NKAIN3: variants seen among roughly 807,000 people sequenced by gnomAD.
NKAIN3 encodes sodium/potassium transporting ATPase interacting 3, also known as sodium/potassium-transporting ATPase subunit beta-1-interacting protein 3.
Under a neutral mutation model 30.2 loss-of-function variants are expected in NKAIN3, and 25 were observed. The ratio of observed to expected loss-of-function variants is 0.83; its 90% CI spans 0.60 to 1.16. NKAIN3 has a LOEUF of 1.16. Among genes scored for constraint, NKAIN3 ranks in the 50% most tolerant of loss-of-function variants. NKAIN3 has a pLI of 0.00. For synonymous variants in NKAIN3, 91 were observed against 89.6 expected (o/e 1.02, Z -0.09); for missense variants, 225 against 254.1 (o/e 0.89, Z 0.78).
rs570317561 is a variant in NKAIN3, at chr8:62,957,279, GC to G, written c.603+3310del. ...CTCCTGAGTAGCTGGGACTATAGGC[GC>G]CCGCCACCACGCCTGGCTAATTTTT... On this transcript the variant is annotated intron_variant, in intron 6 of 6. Transcript: ENST00000623646. Among the ~76,000 whole-genome samples the G allele has an allele frequency of 5.0e-4, 76 of 152,096 alleles. 1 individual carries two copies. The highest frequency in any genetic ancestry group is 2.3e-3 in the South Asian group (11 of 4,808).
intron 1 of NKAIN3, among the ~76,000 whole-genome samples, chr8:62,263,029 G>A (rs1177288070): frequency 2.0e-5 from 3 of 152,018 alleles, no homozygotes; most frequent in Admixed American, 6.6e-5. Flanking sequence ...AAACTGGTTT[G>A]GTATTTGCAA....
intron 4 of NKAIN3, among the ~76,000 whole-genome samples, chr8:62,829,083 G>C (rs926319331): frequency 6.6e-6 from 1 of 152,152 alleles, no homozygotes; most frequent in East Asian, 1.9e-4. Flanking sequence ...TTGTTTGATA[G>C]ATAATATAAT....
chr8:62,361,769 G>A (rs1442713102), intron 1 of NKAIN3, among the ~76,000 whole-genome samples: 1 of 152,134 alleles, frequency 6.6e-6, no homozygotes, highest in Admixed American at 6.5e-5. Flanking sequence ...GTGAAGAGTT[G>A]TGTTTAAAAA....
chr8:62,268,262 C>T (rs1030585504), intron 1 of NKAIN3, among the ~76,000 whole-genome samples: 4 of 152,174 alleles, frequency 2.6e-5, no homozygotes, highest in African/African-American at 9.7e-5. Flanking sequence ...TGCAGAACAG[C>T]CTCTTCTCTC....
intron 1 of NKAIN3, among the ~76,000 whole-genome samples, chr8:62,403,686 G>A (rs929454559): frequency 2.6e-5 from 4 of 152,218 alleles, no homozygotes; most frequent in Admixed American, 6.5e-5. Context: ...GAAATGCCTC[G>A]ATGTCAGGCA....
At chr8:62,535,506 C>G (rs528555738) in intron 1 of NKAIN3, among the ~76,000 whole-genome samples, 1 of 152,136 alleles carries the variant, frequency 6.6e-6, no homozygotes, top group Non-Finnish European at 1.5e-5. Context: ...TTCTGACCAC[C>G]GGGCTTCAAG....
chr8:62,727,494 C>T (rs144846891), intron 3 of NKAIN3, among the ~76,000 whole-genome samples: 1,777 of 152,138 alleles, frequency 0.012, 24 homozygotes, highest in Non-Finnish European at 0.018. Flanking sequence ...ACAATTATAA[C>T]AAGGTTGCAG....
intron 1 of NKAIN3, among the ~76,000 whole-genome samples, chr8:62,267,090 A>T (rs1812633500): frequency 6.6e-6 from 1 of 152,222 alleles, no homozygotes; most frequent in Non-Finnish European, 1.5e-5. Flanking sequence ...CCTGCATCAC[A>T]TCCATCATTG....
At chr8:62,923,585 C>T (rs543679568) in intron 5 of NKAIN3, among the ~76,000 whole-genome samples, 10 of 152,238 alleles carry the variant, frequency 6.6e-5, no homozygotes, top group African/African-American at 2.2e-4. Flanking sequence ...ATAAAGTAAA[C>T]ATCCACTGTA....
At chr8:62,369,542 CT>C (rs1816839683) in intron 1 of NKAIN3, among the ~76,000 whole-genome samples, 1 of 152,042 alleles carries the variant, frequency 6.6e-6, no homozygotes, top group Non-Finnish European at 1.5e-5. Flanking sequence ...AGCAGTCATA[CT>C]ACCATCTACA....
chr8:62,582,218 C>T lies in NKAIN3; in HGVS notation c.192+2542C>T, dbSNP rs113692421. 6.1e-3 allele frequency among the ~76,000 whole-genome samples: 918 copies of T among 150,632 alleles called. 9 individuals are homozygous for T. Among genetic ancestry groups the T allele is most frequent in the African/African-American group, 0.021 (874 of 40,904 alleles). Reference sequence around the variant, plus strand: ...CTTTCTTTTCTAACTTTCCTTCTCCCTTTTTTCTTCTACTTATTAATTCAA... The same window carrying T: ...CTTTCTTTTCTAACTTTCCTTCTCCTTTTTTTCTTCTACTTATTAATTCAA... On this transcript the variant is annotated intron_variant, in intron 2 of 6. Transcript: ENST00000623646.
At chr8:62,252,341 G>T (rs964302746) in intron 1 of NKAIN3, among the ~76,000 whole-genome samples, 1 of 152,176 alleles carries the variant, frequency 6.6e-6, no homozygotes, top group Non-Finnish European at 1.5e-5. Context: ...AAAAGTTAAA[G>T]AAACAAATAA....
intron 1 of NKAIN3, among the ~76,000 whole-genome samples, chr8:62,530,147 A>AG (rs1808443791): frequency 6.6e-6 from 1 of 152,164 alleles, no homozygotes; most frequent in Non-Finnish European, 1.5e-5. Context: ...TCAACTAAGG[A>AG]GGGGGATGAT....
At chr8:62,880,732 G>A (rs1241904259) in intron 4 of NKAIN3, among the ~76,000 whole-genome samples, 1 of 152,168 alleles carries the variant, frequency 6.6e-6, no homozygotes, top group Non-Finnish European at 1.5e-5. Flanking sequence ...GGGGACTCCA[G>A]ATAGAAGATT....
chr8:62,634,673 G>A (rs1812070351), intron 3 of NKAIN3, among the ~76,000 whole-genome samples: 1 of 152,220 alleles, frequency 6.6e-6, no homozygotes, highest in Non-Finnish European at 1.5e-5. Flanking sequence ...GGACAGCTAG[G>A]AGAGGAGAGA....
intron 4 of NKAIN3, among the ~76,000 whole-genome samples, chr8:62,891,464 G>T (rs1190081411): frequency 3.9e-5 from 6 of 152,136 alleles, no homozygotes; most frequent in Non-Finnish European, 8.8e-5. Flanking sequence ...TCCTCAGCTT[G>T]CAGACAGCCT....
At chr8:62,333,376 A>G (rs997005112) in intron 1 of NKAIN3, among the ~76,000 whole-genome samples, 1 of 152,126 alleles carries the variant, frequency 6.6e-6, no homozygotes, top group African/African-American at 2.4e-5. Context: ...TGCATGTCCC[A>G]TCGGCCAAAT....
rs1055857134 is a variant in NKAIN3 at position 62,969,979 on chromosome 8, G to A, written c.*4572G>A. Among the ~76,000 whole-genome samples the A allele has an allele frequency of 6.6e-6, 1 of 152,130 alleles. No individual in the cohort carries two copies. The highest frequency in any genetic ancestry group is 6.6e-5 in the Admixed American group (1 of 15,264). ...GGAAGTTGAGATGAAAGAATCACTTGAGGCCAGGAGTTCAAGACCAGCTTG... is the reference window on the plus strand; with the variant it reads ...GGAAGTTGAGATGAAAGAATCACTTAAGGCCAGGAGTTCAAGACCAGCTTG... On this transcript the variant is annotated 3_prime_UTR_variant, in exon 7 of 7. Transcript: ENST00000623646.
chr8:62,849,592 C>T (rs1410343162), intron 4 of NKAIN3, among the ~76,000 whole-genome samples: 2 of 136,156 alleles, frequency 1.5e-5, no homozygotes, highest in Non-Finnish European at 1.6e-5. Context: ...AATGCTATCC[C>T]TCTCCCCTCC....
Sources: allele counts gnomAD v4.1 joint callset (sites outside exome capture counted in the v4.1 genomes callset), GRCh38; gene constraint gnomAD v4.1.1; transcripts MANE v1.5; gene names NCBI Gene and HGNC (gene_info 2026-07-23, HGNC 2026-07-21).